Variants in MRPS6 observed in about 807,000 individuals in gnomAD.
MRPS6 encodes the protein mitochondrial ribosomal protein S6, also known as small ribosomal subunit protein bS6m.
Under a neutral mutation model 13.1 loss-of-function variants are expected in MRPS6, and 6 were observed. The ratio of observed to expected loss-of-function variants is 0.46; its 90% CI spans 0.25 to 0.91. The LOEUF (loss-of-function observed/expected upper bound fraction) is 0.91. MRPS6 is among the 40% of genes least tolerant of loss of function. The pLI is 0.18. For synonymous variants in MRPS6, 61 were observed against 56.5 expected, an observed-to-expected ratio of 1.08 and a Z score of -0.36; for missense variants, 164 against 155.6, an observed-to-expected ratio of 1.05 and a Z score of -0.29.
intron 2 of MRPS6, among the ~76,000 whole-genome samples, chr21:34,133,652 C>T (rs974390953): frequency 1.9e-4 from 29 of 152,156 alleles, no homozygotes; most frequent in Admixed American, 1.4e-3. Flanking sequence ...GTGGTGGTGT[C>T]TGGGTTACTT....
chr21:34,120,734 TATTTA>T (rs1980089351), intron 1 of MRPS6, among the ~76,000 whole-genome samples: 1 of 152,216 alleles, frequency 6.6e-6, no homozygotes, highest in Non-Finnish European at 1.5e-5. Context: ...ATGTATAAAA[TATTTA>T]ATTAATTTCA....
chr21:34,142,392 T>C lies in MRPS6; in HGVS notation c.186-16T>C. 1 of 1,552,122 alleles carries C rather than the reference T, an allele frequency of 6.4e-7. No homozygotes were observed. Among genetic ancestry groups the C allele is most frequent in the Non-Finnish European group, 8.7e-7 (1 of 1,152,724 alleles). On this transcript the variant is annotated splice_polypyrimidine_tract_variant and intron_variant, in intron 2 of 2. Transcript: ENST00000399312. ...AATTCAAATGCAGACACTCACAAGTTTTTATTTTATTGCAGGTATTTCTTG... is the reference window on the plus strand; with the variant it reads ...AATTCAAATGCAGACACTCACAAGTCTTTATTTTATTGCAGGTATTTCTTG...
intron 1 of MRPS6, chr21:34,098,330 C>T (rs888618139): frequency 5.0e-6 from 5 of 1,000,028 alleles, no homozygotes; most frequent in African/African-American, 3.5e-5. Context: ...GTCCAGAAAC[C>T]TGAAGAAAAA....
intron 1 of MRPS6, among the ~76,000 whole-genome samples, chr21:34,120,119 A>T (rs970639982): frequency 6.6e-6 from 1 of 152,216 alleles, no homozygotes; most frequent in Admixed American, 6.5e-5. Flanking sequence ...CAGTACGTGT[A>T]TTCTTCATTG....
At position 34,104,605 on chromosome 21, in the gene MRPS6, A is replaced by G. The variant is rs1036673972; in HGVS notation, c.46-20736A>G. On this transcript the variant is annotated intron_variant, in intron 1 of 2. Coordinates refer to ENST00000399312, the MANE Select transcript of MRPS6 (RefSeq NM_032476.4). Reference sequence around the variant, plus strand: ...AGATGTTTTAGAAGAGTTAACCTGAACACTTTGAGGGAGAGATTATTCTTG... The same window carrying G: ...AGATGTTTTAGAAGAGTTAACCTGAGCACTTTGAGGGAGAGATTATTCTTG... 9 of 1,000,216 alleles carry G rather than the reference A, an allele frequency of 9.0e-6. No individual in the cohort carries two copies. In the South Asian group the frequency reaches 1.9e-4, roughly 21 times the overall value. 62.0% of individuals were successfully genotyped at this position (1,000,216 alleles called of 1,614,324 possible). A position where few individuals can be genotyped will look rare whatever the true frequency, so the allele number is the denominator to read the frequency against.
At chr21:34,104,388 A>G in intron 1 of MRPS6, 1 of 1,000,210 alleles carries the variant, frequency 1.0e-6, no homozygotes, top group African/African-American at 1.7e-5. Flanking sequence ...ACCTCCGAGT[A>G]GCTTGTTTAT....
chr21:34,094,994 C>T (rs961244621), intron 1 of MRPS6: 4 of 581,000 alleles, frequency 6.9e-6, no homozygotes, highest in African/African-American at 3.8e-5. Flanking sequence ...AATTAAGAAG[C>T]GGAAAATTTA....
intron 2 of MRPS6, among the ~76,000 whole-genome samples, chr21:34,132,271 G>A (rs1196343729): frequency 2.0e-5 from 3 of 152,178 alleles, no homozygotes; most frequent in East Asian, 1.9e-4. Context: ...TCTCACCTTC[G>A]CTGTTTTGGT....
chr21:34,106,250 T>G (rs1198713627), intron 1 of MRPS6: 1 of 849,794 alleles, frequency 1.2e-6, no homozygotes, highest in Non-Finnish European at 1.4e-6. Context: ...TTGAATAAAA[T>G]GAAAAATTTA....
At position 34,092,029 on chromosome 21, in the gene MRPS6, T is replaced by G. The variant is rs550655022; in HGVS notation, c.45+18284T>G. Among the ~76,000 whole-genome samples, 10 of 152,236 alleles carry G rather than the reference T, an allele frequency of 6.6e-5. No individual in the cohort carries two copies. The East Asian group carries it at 1.9e-3, about 29-fold the overall frequency. Reference sequence around the variant, plus strand: ...TAAAAAGCCTCATGTTAGCTGAAGATTCTTCCATGTGTATTCTTATAAAAA... The same window carrying G: ...TAAAAAGCCTCATGTTAGCTGAAGAGTCTTCCATGTGTATTCTTATAAAAA... On this transcript the variant is annotated intron_variant, in intron 1 of 2. Coordinates refer to ENST00000399312, the MANE Select transcript of MRPS6 (RefSeq NM_032476.4).
intron 1 of MRPS6, among the ~76,000 whole-genome samples, chr21:34,089,140 G>A (rs1978552633): frequency 6.6e-6 from 1 of 151,988 alleles, no homozygotes; most frequent in Non-Finnish European, 1.5e-5. Flanking sequence ...CGATCCTCTT[G>A]CCACAGCCTC....
At position 34,096,132 on chromosome 21, in the gene MRPS6, A is replaced by G. The variant is rs775420713; in HGVS notation, c.45+22387A>G. 2 of 1,614,176 alleles carry G rather than the reference A, an allele frequency of 1.2e-6. No homozygotes were observed. The highest frequency in any genetic ancestry group is 1.7e-6 in the Non-Finnish European group (2 of 1,180,012). The stretch of plus-strand genomic sequence containing the variant: ...CTTCTTAAAGCTCCTGCCAATGTTT[A>G]TCATAGTTGTCCCAGGAATGATTTC... On this transcript the variant is annotated intron_variant, in intron 1 of 2. Coordinates refer to ENST00000399312, the MANE Select transcript of MRPS6 (RefSeq NM_032476.4). The surrounding 1 kb of genome is among the most constrained non-coding windows in gnomAD (Gnocchi z 5.9).
chr21:34,132,447 G>A (rs1980537465), intron 2 of MRPS6, among the ~76,000 whole-genome samples: 1 of 152,244 alleles, frequency 6.6e-6, no homozygotes, highest in African/African-American at 2.4e-5. Context: ...GGTTGCTGAA[G>A]GAGCGTTGTC....
At chr21:34,097,800 A>T (rs539706961) in intron 1 of MRPS6, 1 of 1,000,538 alleles carries the variant, frequency 1.0e-6, no homozygotes, top group Non-Finnish European at 1.2e-6. Context: ...TTTCTTAGAC[A>T]TTGTACAATC....
rs1989351719 is a variant in MRPS6, at chr21:34,077,142, G to A, written c.45+3397G>A. On this transcript the variant is annotated intron_variant, in intron 1 of 2. Coordinates refer to ENST00000399312, the MANE Select transcript of MRPS6 (RefSeq NM_032476.4). ...TGAGCTCTCTTGTGAGTGGGAAAAT[G>A]GTTGAAGCCCTTTGGTTTCACTTGA... Among the ~76,000 whole-genome samples the A allele has an allele frequency of 2.6e-5, 4 of 152,326 alleles. No homozygotes were observed. In the South Asian group the frequency reaches 8.3e-4, roughly 32 times the overall value.
chr21:34,127,494 C>T lies in MRPS6; in HGVS notation c.185+2014C>T, dbSNP rs79194736. Among the ~76,000 whole-genome samples, 1,073 of 152,262 alleles carry T rather than the reference C, an allele frequency of 7.0e-3. 14 individuals carry two copies. The highest frequency in any genetic ancestry group is 0.025 in the African/African-American group (1,027 of 41,542). On this transcript the variant is annotated intron_variant, in intron 2 of 2. Coordinates refer to ENST00000399312, the MANE Select transcript of MRPS6 (RefSeq NM_032476.4). ...TGATGAGAAGCCCTTCAGTAAGATCCGTTCATTAATTCACTGTATTTGATT... is the reference window on the plus strand; with the variant it reads ...TGATGAGAAGCCCTTCAGTAAGATCTGTTCATTAATTCACTGTATTTGATT...
At chr21:34,133,975 G>T (rs752470724) in intron 2 of MRPS6, among the ~76,000 whole-genome samples, 20 of 152,202 alleles carry the variant, frequency 1.3e-4, no homozygotes, top group Non-Finnish European at 2.4e-4. Flanking sequence ...TTGGGCCCCT[G>T]TTGGGTGAGA....
chr21:34,110,293 A>G (rs1015840788), intron 1 of MRPS6, among the ~76,000 whole-genome samples: 6 of 152,124 alleles, frequency 3.9e-5, no homozygotes, highest in African/African-American at 1.4e-4. Flanking sequence ...ACGAAACCCC[A>G]TATCTACAAA....
intron 1 of MRPS6, among the ~76,000 whole-genome samples, chr21:34,107,071 AC>A (rs1226686830): frequency 6.6e-6 from 1 of 152,152 alleles, no homozygotes; most frequent in Non-Finnish European, 1.5e-5. Context: ...AACTGGGATT[AC>A]AGGCATGCGC....
Sources: allele counts gnomAD v4.1 joint callset (sites outside exome capture counted in the v4.1 genomes callset), GRCh38; gene constraint gnomAD v4.1.1; non-coding constraint Gnocchi (gnomAD v3.1); transcripts MANE v1.5; gene names NCBI Gene and HGNC (gene_info 2026-07-23, HGNC 2026-07-21).